Variants in PPARG observed in about 807,000 individuals in gnomAD.
PPARG encodes peroxisome proliferator activated receptor gamma.
Under a neutral mutation model 39.2 loss-of-function variants are expected in PPARG, and 17 were observed. The ratio of observed to expected loss-of-function variants is 0.43; its 90% CI spans 0.30 to 0.65. The LOEUF (loss-of-function observed/expected upper bound fraction) is 0.65, where lower values mean the gene tolerates loss of function less well. Ranked by LOEUF, PPARG falls within the 30% of genes least tolerant of loss-of-function variation. The pLI, the probability that PPARG is intolerant of heterozygous loss-of-function variation, is 0.13. For missense variants in PPARG, 406 were observed against 585.9 expected (o/e 0.69, Z 3.17); for synonymous variants, 223 against 215.7 (o/e 1.03, Z -0.30).
At chr3:12,415,859 T>A (rs1023040918) in intron 6 of PPARG, among the ~76,000 whole-genome samples, 3 of 152,132 alleles carry the variant, frequency 2.0e-5, no homozygotes, top group Non-Finnish European at 1.5e-5. Context: ...TCATTTGAGA[T>A]CTGAGAGGAT....
At chr3:12,351,632 A>G (rs763032994) in intron 2 of PPARG, 1 of 1,611,998 alleles carries the variant, frequency 6.2e-7, no homozygotes, top group South Asian at 1.1e-5. Flanking sequence ...TGACCCAGAA[A>G]GCGATTCCTT....
At chr3:12,394,264 A>G (rs1419120865) in intron 5 of PPARG, among the ~76,000 whole-genome samples, 1 of 152,228 alleles carries the variant, frequency 6.6e-6, no homozygotes, top group Non-Finnish European at 1.5e-5. Context: ...CTATTAAAAA[A>G]TTATCACTTC....
intron 5 of PPARG, among the ~76,000 whole-genome samples, chr3:12,403,714 C>T (rs909893681): frequency 3.3e-5 from 5 of 152,118 alleles, no homozygotes; most frequent in African/African-American, 1.2e-4. Context: ...TTGGTTGAAT[C>T]TGCAGATGTG....
chr3:12,306,832 C>G (rs1326951072), intron 1 of PPARG, among the ~76,000 whole-genome samples: 1 of 151,960 alleles, frequency 6.6e-6, no homozygotes, highest in Non-Finnish European at 1.5e-5. Context: ...CGCGGTGGCT[C>G]ACGCCTGTAA....
chr3:12,411,083 C>A (rs2050865101), intron 6 of PPARG, among the ~76,000 whole-genome samples: 1 of 152,170 alleles, frequency 6.6e-6, no homozygotes, highest in South Asian at 2.1e-4. Flanking sequence ...AAAATAAATT[C>A]TTCTATTGCC....
At chr3:12,389,747 A>G (rs964512366) in intron 4 of PPARG, among the ~76,000 whole-genome samples, 2 of 152,106 alleles carry the variant, frequency 1.3e-5, no homozygotes, top group African/African-American at 4.8e-5. Flanking sequence ...AACAAAAAAA[A>G]AGAGCCAGGT....
chr3:12,339,019 C>T (rs972942453), intron 2 of PPARG, among the ~76,000 whole-genome samples: 7 of 152,086 alleles, frequency 4.6e-5, no homozygotes, highest in African/African-American at 1.2e-4. Flanking sequence ...CCTCAGAAAT[C>T]GGAAACAATC....
chr3:12,345,531 G>C (rs1346349669), intron 2 of PPARG, among the ~76,000 whole-genome samples: 2 of 152,140 alleles, frequency 1.3e-5, no homozygotes, highest in Non-Finnish European at 2.9e-5. Context: ...GCATCGTTTG[G>C]AGCTTTGGAC....
intron 2 of PPARG, chr3:12,328,204 C>T (rs577950528): frequency 2.0e-6 from 3 of 1,475,306 alleles, no homozygotes; most frequent in East Asian, 2.3e-5. Flanking sequence ...CAGAAAAAGT[C>T]CTACCTGGAG....
Position 12,330,944 on chromosome 3 carries a change from A to G in PPARG, c.-9+18491A>G, listed in dbSNP as rs565504806. Among the ~76,000 whole-genome samples, 424 of 152,346 alleles carry G rather than the reference A, an allele frequency of 2.8e-3. 2 individuals are homozygous for G. Among genetic ancestry groups the G allele is most frequent in the African/African-American group, 9.4e-3 (392 of 41,582 alleles). ...TTTAAAATAATCTGTTTTTATATCA[A>G]TAATCTAAAAGGTCATTAGAAAGCC... On this transcript the variant is annotated intron_variant, in intron 2 of 7. Coordinates refer to ENST00000651735, the MANE Select transcript of PPARG (RefSeq NM_138711.6).
intron 7 of PPARG, among the ~76,000 whole-genome samples, chr3:12,424,928 C>T (rs2051385406): frequency 1.3e-5 from 2 of 152,190 alleles, no homozygotes; most frequent in African/African-American, 4.8e-5. Context: ...ACATGTTCAG[C>T]ACACAATAAA....
At chr3:12,431,008 G>A (rs2051641778) in intron 7 of PPARG, among the ~76,000 whole-genome samples, 1 of 152,066 alleles carries the variant, frequency 6.6e-6, no homozygotes, top group African/African-American at 2.4e-5. Flanking sequence ...TTAAAGGTGG[G>A]TAAAACTCAT....
intron 2 of PPARG, among the ~76,000 whole-genome samples, chr3:12,320,064 A>G (rs977621295): frequency 3.3e-5 from 5 of 152,180 alleles, no homozygotes; most frequent in African/African-American, 1.2e-4. Context: ...GTAATTCTTC[A>G]AGGGATGGAA....
intron 6 of PPARG, among the ~76,000 whole-genome samples, chr3:12,407,305 C>T (rs1381284370): frequency 2.0e-5 from 3 of 152,082 alleles, no homozygotes; most frequent in South Asian, 4.2e-4. Flanking sequence ...GGATTGCAGG[C>T]GCATGCCACC....
At chr3:12,382,027 A>T (rs1278743786) in intron 4 of PPARG, among the ~76,000 whole-genome samples, 2 of 152,142 alleles carry the variant, frequency 1.3e-5, no homozygotes, top group Non-Finnish European at 2.9e-5. Flanking sequence ...GAGCAATCCT[A>T]TAAGATTGGA....
At chr3:12,353,168 C>T (rs1241731484) in intron 2 of PPARG, among the ~76,000 whole-genome samples, 2 of 152,250 alleles carry the variant, frequency 1.3e-5, no homozygotes, top group East Asian at 3.9e-4. Flanking sequence ...TTTTTTGAGT[C>T]TCAATTTCCT....
intron 2 of PPARG, among the ~76,000 whole-genome samples, chr3:12,323,919 A>T (rs2047617681): frequency 6.6e-6 from 1 of 152,208 alleles, no homozygotes; most frequent in Non-Finnish European, 1.5e-5. Context: ...AGCGAGTAGG[A>T]CAGTTCTCTT....
chr3:12,287,868 C>A (rs1490924895), upstream of PPARG: 4 of 141,644 alleles, frequency 2.8e-5, no homozygotes, highest in Non-Finnish European at 3.1e-5. Context: ...CGCCCGCCCC[C>A]GCGCCGGGCC....
rs542937415 is a variant in PPARG, at chr3:12,320,214, A to G, written c.-9+7761A>G. Reference sequence around the variant, plus strand: ...ATGCATCTTGGACATTTATGTATATATACGTGCATATATATATGTATGTAT... The same window carrying G: ...ATGCATCTTGGACATTTATGTATATGTACGTGCATATATATATGTATGTAT... On this transcript the variant is annotated intron_variant, in intron 2 of 7. Coordinates refer to ENST00000651735, the MANE Select transcript of PPARG (RefSeq NM_138711.6). Among the ~76,000 whole-genome samples the G allele has an allele frequency of 2.0e-5, 3 of 152,330 alleles. No homozygotes were observed. In the South Asian group the frequency reaches 6.2e-4, roughly 32 times the overall value.
Sources: gnomAD v4.1 joint callset for allele counts (sites outside exome capture counted in the v4.1 genomes callset) on GRCh38, gnomAD v4.1.1 for gene constraint, MANE v1.5 for transcripts, NCBI Gene and HGNC (gene_info 2026-07-23, HGNC 2026-07-21) for gene names.